Variants in SCHIP1 observed in about 807,000 individuals in gnomAD.
The protein encoded by SCHIP1 is schwannomin-interacting protein 1.
A neutral mutation model predicts 29.7 loss-of-function variants in SCHIP1; 8 were observed. The observed-to-expected ratio is 0.27, with a 90% CI of 0.16 to 0.49. The LOEUF is 0.49. SCHIP1 is among the 20% of genes least tolerant of loss of function. The pLI, the probability that SCHIP1 is intolerant of heterozygous loss-of-function variation, is 0.99. For missense variants in SCHIP1, 193 were observed against 294.6 expected, an observed-to-expected ratio of 0.66 and a Z score of 2.52; for synonymous variants, 76 against 94.9, an observed-to-expected ratio of 0.80 and a Z score of 1.16.
the SCHIP1 span, among the ~76,000 whole-genome samples, chr3:159,541,585 G>A: frequency 6.6e-6 from 1 of 151,948 alleles, no homozygotes; most frequent in South Asian, 2.1e-4. Context: ...ATCTCAGCAT[G>A]GAAAAGTGGC....
the SCHIP1 span, chr3:159,721,800 G>A: frequency 2.3e-6 from 1 of 428,078 alleles, no homozygotes; most frequent in Non-Finnish European, 4.6e-6. Context: ...CTGGGCTTTG[G>A]CATCCTCCAT....
chr3:159,404,942 G>A, the SCHIP1 span, among the ~76,000 whole-genome samples: 3 of 152,142 alleles, frequency 2.0e-5, no homozygotes, highest in Admixed American at 6.5e-5. Context: ...CAGCACAGAG[G>A]GAAACACTCT....
At chr3:159,851,815 G>A (rs1247333327) in intron 1 of SCHIP1, among the ~76,000 whole-genome samples, 1 of 152,226 alleles carries the variant, frequency 6.6e-6, no homozygotes, top group Non-Finnish European at 1.5e-5. Flanking sequence ...TCTGGAGTGA[G>A]GGTCCTGGGG....
At chr3:159,531,896 T>C in the SCHIP1 span, among the ~76,000 whole-genome samples, 1 of 152,214 alleles carries the variant, frequency 6.6e-6, no homozygotes, top group Non-Finnish European at 1.5e-5. Flanking sequence ...AAATTACCAC[T>C]ATTATTTCAA....
chr3:159,391,121 T>C, the SCHIP1 span, among the ~76,000 whole-genome samples: 1 of 152,164 alleles, frequency 6.6e-6, no homozygotes, highest in African/African-American at 2.4e-5. Flanking sequence ...AGGGAATAGT[T>C]TAAGGAGTTT....
chr3:159,787,487 C>T, the SCHIP1 span, among the ~76,000 whole-genome samples: 4 of 152,330 alleles, frequency 2.6e-5, no homozygotes, highest in Middle Eastern at 3.4e-3. Flanking sequence ...GCTTAGTGAG[C>T]GGAATGGATT....
chr3:159,471,139 C>T, the SCHIP1 span, among the ~76,000 whole-genome samples: 1 of 151,982 alleles, frequency 6.6e-6, no homozygotes, highest in Non-Finnish European at 1.5e-5. Context: ...CACACACACA[C>T]CCCTAAAAAT....
the SCHIP1 span, among the ~76,000 whole-genome samples, chr3:159,638,940 A>T: frequency 6.6e-6 from 1 of 152,056 alleles, no homozygotes; most frequent in Admixed American, 6.6e-5. Context: ...ACTCTTGTGG[A>T]TTATCTCGAG....
At chr3:159,282,973 G>C in the SCHIP1 span, among the ~76,000 whole-genome samples, 10 of 151,710 alleles carry the variant, frequency 6.6e-5, no homozygotes, top group Non-Finnish European at 1.3e-4. Context: ...AAATTATTTA[G>C]AGACTTTAAT....
intron 2 of SCHIP1, among the ~76,000 whole-genome samples, chr3:159,874,303 G>A (rs527909662): frequency 5.3e-5 from 8 of 152,302 alleles, no homozygotes; most frequent in Non-Finnish European, 1.0e-4. Flanking sequence ...TGAATATTAT[G>A]AAAAACAGAA....
At chr3:159,332,760 A>T in the SCHIP1 span, among the ~76,000 whole-genome samples, 1 of 152,282 alleles carries the variant, frequency 6.6e-6, no homozygotes, top group South Asian at 2.1e-4. Flanking sequence ...GATATATATG[A>T]GGGCCTTGGG....
chr3:159,740,252 G>A, the SCHIP1 span, among the ~76,000 whole-genome samples: 742 of 152,338 alleles, frequency 4.9e-3, 11 homozygotes, highest in Admixed American at 0.023. Context: ...AGTGGGTGGC[G>A]AGAAAAGAGT....
chr3:159,431,851 T>G, the SCHIP1 span, among the ~76,000 whole-genome samples: 116 of 152,192 alleles, frequency 7.6e-4, 1 homozygote, highest in African/African-American at 2.7e-3. Context: ...TTTTCTTATT[T>G]ATCATTCATG....
At chr3:159,420,470 A>C in the SCHIP1 span, among the ~76,000 whole-genome samples, 1 of 152,216 alleles carries the variant, frequency 6.6e-6, no homozygotes, top group Non-Finnish European at 1.5e-5. Flanking sequence ...AGAGTTAGGA[A>C]CAGGCTAGAC....
the SCHIP1 span, among the ~76,000 whole-genome samples, chr3:159,606,551 T>G: frequency 9.2e-5 from 14 of 152,050 alleles, no homozygotes; most frequent in Non-Finnish European, 1.8e-4. Context: ...CAAGATAGTT[T>G]GAGAAATTTT....
chr3:159,586,283 G>T, the SCHIP1 span, among the ~76,000 whole-genome samples: 1 of 152,164 alleles, frequency 6.6e-6, no homozygotes, highest in Non-Finnish European at 1.5e-5. Context: ...GGGAGCAAAG[G>T]TTGCTGGGCT....
the SCHIP1 span, among the ~76,000 whole-genome samples, chr3:159,827,737 G>A: frequency 3.3e-5 from 5 of 151,886 alleles, no homozygotes; most frequent in Admixed American, 6.5e-5. Context: ...CCCGGGAAGC[G>A]GAGCTTGCAG....
chr3:159,699,641 T>A, the SCHIP1 span, among the ~76,000 whole-genome samples: 2 of 152,194 alleles, frequency 1.3e-5, no homozygotes, highest in East Asian at 3.8e-4. Flanking sequence ...AGATGAGCAG[T>A]GACATTGGTA....
intron 1 of SCHIP1, among the ~76,000 whole-genome samples, chr3:159,856,679 G>A (rs780184380): frequency 6.6e-6 from 1 of 152,198 alleles, no homozygotes; most frequent in Non-Finnish European, 1.5e-5. Flanking sequence ...CCAGCCGCTC[G>A]CTTCGCTTTG....
Sources: gnomAD v4.1 joint callset for allele counts (sites outside exome capture counted in the v4.1 genomes callset) on GRCh38, gnomAD v4.1.1 for gene constraint, MANE v1.5 for transcripts, NCBI Gene and HGNC (gene_info 2026-07-23, HGNC 2026-07-21) for gene names.